The following SNX30 variants were observed in gnomAD, a reference collection of about 807,000 sequenced individuals.
The protein encoded by SNX30 is sorting nexin-30.
Under a neutral mutation model 46.4 loss-of-function variants are expected in SNX30, and 24 were observed. The ratio of observed to expected loss-of-function variants is 0.52; its 90% CI spans 0.37 to 0.73. The LOEUF (loss-of-function observed/expected upper bound fraction) is 0.73, where lower values mean the gene tolerates loss of function less well. Ranked by LOEUF, SNX30 falls within the 30% of genes least tolerant of loss-of-function variation. The probability of loss-of-function intolerance (pLI) is 0.00; values close to 1 mark genes in which losing one functional copy is unlikely to be tolerated. For missense variants in SNX30, 533 were observed against 555.7 expected, an observed-to-expected ratio of 0.96 and a Z score of 0.41; for synonymous variants, 189 against 211.5, an observed-to-expected ratio of 0.89 and a Z score of 0.92.
At chr9:112,834,873 CA>C (rs749706377) in intron 4 of SNX30, among the ~76,000 whole-genome samples, 5,543 of 94,752 alleles carry the variant, frequency 0.059, 134 homozygotes, top group Middle Eastern at 0.096. Flanking sequence ...CACACACACA[CA>C]CACACACACC....
intron 1 of SNX30, among the ~76,000 whole-genome samples, chr9:112,759,985 T>C (rs1839411071): frequency 6.6e-6 from 1 of 152,176 alleles, no homozygotes. Context: ...TTCCTTGATA[T>C]TGTACTCTCC....
intron 1 of SNX30, among the ~76,000 whole-genome samples, chr9:112,782,911 G>A (rs112052234): frequency 0.032 from 4,813 of 152,288 alleles, 251 homozygotes; most frequent in African/African-American, 0.11. Flanking sequence ...TTATTTTTCC[G>A]GATTCTGTTG....
rs146092121 is a variant in SNX30 at position 112,880,203 on chromosome 9, C to T, written n.3555C>T. On this transcript the variant is annotated non_coding_transcript_exon_variant, in exon 5 of 6. Transcript: ENST00000604751. ...AAAATTAGCTGGGCATGGTGGCAGG[C>T]GCTTGTAATCCCAGCTACTCGGGAT... 1,480 of 156,812 alleles carry T rather than the reference C, an allele frequency of 9.4e-3. 12 individuals carry two copies. The highest frequency in any genetic ancestry group is 0.013 in the Non-Finnish European group (902 of 71,104). 9.7% of individuals were successfully genotyped at this position (156,812 alleles called of 1,614,324 possible). A position where few individuals can be genotyped will look rare whatever the true frequency, so the allele number is the denominator to read the frequency against.
chr9:112,808,315 C>T (rs1266480640), intron 2 of SNX30, among the ~76,000 whole-genome samples: 2 of 152,208 alleles, frequency 1.3e-5, no homozygotes, highest in African/African-American at 4.8e-5. Flanking sequence ...TTCCTGATGA[C>T]CAGGGCTGGA....
At chr9:112,780,515 T>C (rs1319268636) in intron 1 of SNX30, among the ~76,000 whole-genome samples, 1 of 152,206 alleles carries the variant, frequency 6.6e-6, no homozygotes, top group Non-Finnish European at 1.5e-5. Context: ...GAAGGGGATC[T>C]CTAAGCCTTC....
At position 112,870,265 on chromosome 9, in the gene SNX30, A is replaced by C. The variant is rs1302869484; in HGVS notation, c.*1422A>C. The C allele has an allele frequency of 2.0e-5, 3 of 152,164 alleles. No individual in the cohort carries two copies. 9.4% of individuals were successfully genotyped at this position (152,164 alleles called of 1,614,324 possible). On this transcript the variant is annotated 3_prime_UTR_variant, in exon 9 of 9. Transcript: ENST00000374232. The stretch of plus-strand genomic sequence containing the variant: ...AAACTACGAATCTGAGCCTCAAATA[A>C]GCAGTAGTTTTTTTGTTGTTTATTT...
intron 1 of SNX30, among the ~76,000 whole-genome samples, chr9:112,788,924 T>C (rs1302053177): frequency 6.6e-6 from 1 of 152,126 alleles, no homozygotes; most frequent in East Asian, 1.9e-4. Flanking sequence ...GCCTCCCCAG[T>C]AGATGGGACC....
chr9:112,792,057 C>T (rs1048221655), intron 1 of SNX30, among the ~76,000 whole-genome samples: 2 of 151,678 alleles, frequency 1.3e-5, no homozygotes, highest in Admixed American at 1.3e-4. Flanking sequence ...ATTTTGATAC[C>T]GGATATAGAT....
intron 7 of SNX30, among the ~76,000 whole-genome samples, chr9:112,851,717 C>G (rs1043931654): frequency 1.3e-5 from 2 of 152,152 alleles, no homozygotes; most frequent in African/African-American, 2.4e-5. Context: ...AATCATTCTC[C>G]CTGAGCATTT....
chr9:112,760,857 A>G (rs946205854), intron 1 of SNX30, among the ~76,000 whole-genome samples: 35 of 152,308 alleles, frequency 2.3e-4, no homozygotes, highest in African/African-American at 8.2e-4. Context: ...GTATGTCTGC[A>G]GATCAGCTGA....
intron 8 of SNX30, among the ~76,000 whole-genome samples, chr9:112,867,332 CCCT>C (rs1468695161): frequency 1.4e-5 from 2 of 146,290 alleles, no homozygotes; most frequent in African/African-American, 5.1e-5. Context: ...AATTCCTCCT[CCCT>C]CCTCAGAACT....
chr9:112,784,224 TG>T (rs1438317628), intron 1 of SNX30, among the ~76,000 whole-genome samples: 12 of 152,174 alleles, frequency 7.9e-5, no homozygotes, highest in African/African-American at 2.9e-4. Flanking sequence ...CAGGTACTAC[TG>T]GGAGAGGGGT....
At chr9:112,828,278 A>G (rs1840606440) in intron 3 of SNX30, among the ~76,000 whole-genome samples, 2 of 152,184 alleles carry the variant, frequency 1.3e-5, no homozygotes, top group African/African-American at 2.4e-5. Flanking sequence ...CTACATTTAA[A>G]TATGTTTAGG....
chr9:112,783,967 A>G (rs1004276098), intron 1 of SNX30, among the ~76,000 whole-genome samples: 6 of 152,198 alleles, frequency 3.9e-5, no homozygotes, highest in African/African-American at 1.4e-4. Flanking sequence ...TTGCCCTCAT[A>G]TCCTAAGGAT....
chr9:112,780,626 T>C (rs1342174583), intron 1 of SNX30, among the ~76,000 whole-genome samples: 3 of 152,200 alleles, frequency 2.0e-5, no homozygotes, highest in Non-Finnish European at 4.4e-5. Flanking sequence ...GGTAGCGCCA[T>C]CATGCATAGA....
At chr9:112,765,655 G>A (rs968126361) in intron 1 of SNX30, among the ~76,000 whole-genome samples, 3 of 152,128 alleles carry the variant, frequency 2.0e-5, no homozygotes, top group Non-Finnish European at 2.9e-5. Flanking sequence ...CTTTATTGAA[G>A]TATGATTGAC....
intron 1 of SNX30, among the ~76,000 whole-genome samples, chr9:112,782,954 T>G (rs1839868548): frequency 6.6e-6 from 1 of 152,234 alleles, no homozygotes. Context: ...AGCTGTGTGT[T>G]AATGGTTTCT....
chr9:112,788,857 A>G (rs1463392410), intron 1 of SNX30, among the ~76,000 whole-genome samples: 1 of 152,162 alleles, frequency 6.6e-6, no homozygotes, highest in African/African-American at 2.4e-5. Flanking sequence ...GTGCAGTGGC[A>G]CGATCTCGGC....
At chr9:112,766,849 AC>A (rs1839545771) in intron 1 of SNX30, among the ~76,000 whole-genome samples, 1 of 151,970 alleles carries the variant, frequency 6.6e-6, no homozygotes, top group Non-Finnish European at 1.5e-5. Context: ...CATTTTCTTA[AC>A]CCATTTTTCT....
Sources: gnomAD v4.1 joint callset for allele counts (sites outside exome capture counted in the v4.1 genomes callset) on GRCh38, gnomAD v4.1.1 for gene constraint, MANE v1.5 for transcripts, NCBI Gene and HGNC (gene_info 2026-07-23, HGNC 2026-07-21) for gene names.